Variants in SOX5 observed in about 807,000 individuals in gnomAD.
The protein encoded by SOX5 is SRY-box transcription factor 5.
A neutral mutation model predicts 92.0 loss-of-function variants in SOX5; 9 were observed. The observed-to-expected ratio is 0.10, with a 90% CI of 0.06 to 0.17. The LOEUF is 0.17. Ranked by LOEUF, SOX5 falls within the 10% of genes least tolerant of loss-of-function variation. The probability of loss-of-function intolerance (pLI) is 1.00; values close to 1 mark genes in which losing one functional copy is unlikely to be tolerated. For missense variants in SOX5, 642 were observed against 944.5 expected, an observed-to-expected ratio of 0.68 and a Z score of 4.20; for synonymous variants, 344 against 336.3, an observed-to-expected ratio of 1.02 and a Z score of -0.25.
chr12:23,653,676 T>C (rs920950045), intron 7 of SOX5, among the ~76,000 whole-genome samples: 1 of 152,106 alleles, frequency 6.6e-6, no homozygotes. Flanking sequence ...GGTGCATTCT[T>C]TCTGTGTCCT....
chr12:23,903,323 C>T (rs765570225), intron 1 of SOX5, among the ~76,000 whole-genome samples: 1 of 152,164 alleles, frequency 6.6e-6, no homozygotes, highest in Non-Finnish European at 1.5e-5. Flanking sequence ...TGGTTGCTCA[C>T]CCCTTTATTC....
At chr12:23,694,212 C>G (rs73282004) in intron 6 of SOX5, among the ~76,000 whole-genome samples, 9,407 of 152,194 alleles carry the variant, frequency 0.062, 630 homozygotes, top group African/African-American at 0.17. Flanking sequence ...TTTAAACAAC[C>G]TGTCTATGAA....
chr12:23,960,233 C>T (rs1946736923), intron 4 of SOX5, among the ~76,000 whole-genome samples: 1 of 151,966 alleles, frequency 6.6e-6, no homozygotes, highest in Admixed American at 6.6e-5. Context: ...AAAAGTAAGC[C>T]ACAGAGAGAA....
At chr12:23,618,771 C>A (rs1411067801) in intron 8 of SOX5, among the ~76,000 whole-genome samples, 4 of 152,098 alleles carry the variant, frequency 2.6e-5, no homozygotes, top group African/African-American at 4.8e-5. Context: ...CCCTGAAATT[C>A]TTCTGTGATG....
intron 4 of SOX5, among the ~76,000 whole-genome samples, chr12:24,097,440 C>A (rs542818601): frequency 3.3e-5 from 5 of 151,602 alleles, no homozygotes; most frequent in African/African-American, 7.3e-5. Context: ...AACAACTGCA[C>A]AATTCAAGGT....
At chr12:24,492,223 C>T (rs140537627) in intron 1 of SOX5, among the ~76,000 whole-genome samples, 513 of 152,166 alleles carry the variant, frequency 3.4e-3, no homozygotes, top group Middle Eastern at 6.8e-3. Flanking sequence ...GTAGTACCAA[C>T]GAAAGCTCAA....
rs532362381 is a variant in SOX5 at position 23,895,840 on chromosome 12, G to T, written c.223C>A (p.Gln75Lys). The change falls in exon 2 of 15, where the codon CAA becomes AAA. Residue 75 changes from glutamine to lysine, a missense_variant. Physicochemically the swap from Gln to Lys is moderately conservative, Grantham distance 53. Transcript: ENST00000451604. ...GGAGTCCTATGGCCACAAGTCTCTT[G>T]CGTCAGCAGAGAAACTGGCTGAAAT... ...EEFQPVSLLT[Q>K]ETCGHRTPTS... 11 of 1,613,914 alleles carry T rather than the reference G, an allele frequency of 6.8e-6. No homozygotes were observed. Among genetic ancestry groups the T allele is most frequent in the African/African-American group, 1.3e-5 (1 of 74,910 alleles).
chr12:24,107,957 C>G (rs570842879), intron 4 of SOX5, among the ~76,000 whole-genome samples: 1 of 152,136 alleles, frequency 6.6e-6, no homozygotes, highest in Non-Finnish European at 1.5e-5. Flanking sequence ...GCTGCAAATA[C>G]GTGTGGCAGA....
intron 8 of SOX5, among the ~76,000 whole-genome samples, 171 bp from the exon 9 acceptor site, chr12:23,604,704 G>A (rs1305655477): frequency 6.6e-6 from 1 of 152,096 alleles, no homozygotes; most frequent in Non-Finnish European, 1.5e-5. Flanking sequence ...TTACTTTTTA[G>A]GGGAGAAATG....
chr12:24,310,183 T>C (rs1018266422), intron 2 of SOX5, among the ~76,000 whole-genome samples: 69 of 152,184 alleles, frequency 4.5e-4, no homozygotes, highest in African/African-American at 1.6e-3. Context: ...CCTTTTGGCC[T>C]AAAAGGATTT....
At chr12:23,896,066 TA>T (rs1358542064) in intron 1 of SOX5, 42 bp from the exon 2 acceptor site, 3 of 1,343,542 alleles carry the variant, frequency 2.2e-6, no homozygotes, top group Non-Finnish European at 3.2e-6. Flanking sequence ...AACCTCCACA[TA>T]AATCCTTAAT....
intron 3 of SOX5, among the ~76,000 whole-genome samples, chr12:23,820,512 G>C (rs1189241404): frequency 6.6e-6 from 1 of 152,158 alleles, no homozygotes; most frequent in African/African-American, 2.4e-5. Flanking sequence ...CCTATGTCCT[G>C]AATTGTATTG....
intron 1 of SOX5, among the ~76,000 whole-genome samples, chr12:24,437,799 C>T (rs761419355): frequency 6.6e-6 from 1 of 152,064 alleles, no homozygotes; most frequent in Non-Finnish European, 1.5e-5. Flanking sequence ...CTGGAGAGGA[C>T]ATGGAGAAAT....
At chr12:24,194,527 A>G (rs1363714458) in intron 4 of SOX5, among the ~76,000 whole-genome samples, 4 of 152,156 alleles carry the variant, frequency 2.6e-5, no homozygotes, top group Non-Finnish European at 5.9e-5. Context: ...TATACTTGGG[A>G]ACAACATATC....
At chr12:24,123,493 C>G (rs994617727) in intron 4 of SOX5, among the ~76,000 whole-genome samples, 2 of 152,006 alleles carry the variant, frequency 1.3e-5, no homozygotes, top group Admixed American at 6.6e-5. Flanking sequence ...TTCCCCAAAC[C>G]CTTCCCCTTC....
intron 6 of SOX5, among the ~76,000 whole-genome samples, chr12:23,695,534 G>T (rs1364465645): frequency 6.6e-6 from 1 of 152,094 alleles, no homozygotes; most frequent in Non-Finnish European, 1.5e-5. Flanking sequence ...TGCTTTTTCT[G>T]CTTCTATTAG....
chr12:24,125,508 C>G (rs1051863420), intron 4 of SOX5, among the ~76,000 whole-genome samples: 1 of 152,144 alleles, frequency 6.6e-6, no homozygotes, highest in Non-Finnish European at 1.5e-5. Flanking sequence ...ATCTTGCCTC[C>G]CCGTCGTTAC....
chr12:24,367,513 C>T (rs1306118040), intron 2 of SOX5, among the ~76,000 whole-genome samples: 3 of 152,084 alleles, frequency 2.0e-5, no homozygotes, highest in Non-Finnish European at 2.9e-5. Context: ...TGATGAATGG[C>T]CTTTCATTTG....
chr12:23,883,385 C>T (rs1185164710), intron 2 of SOX5, among the ~76,000 whole-genome samples: 3 of 151,978 alleles, frequency 2.0e-5, no homozygotes, highest in African/African-American at 7.3e-5. Context: ...AAAAGGAAAA[C>T]ATGAATATTA....
Sources: allele counts gnomAD v4.1 joint callset (sites outside exome capture counted in the v4.1 genomes callset), GRCh38; gene constraint gnomAD v4.1.1; transcripts MANE v1.5; gene names NCBI Gene and HGNC (gene_info 2026-07-23, HGNC 2026-07-21).